AFG2A: variants seen among roughly 807,000 people sequenced by gnomAD.
AFG2A encodes ATPase family gene 2 protein homolog A.
At chr4:123,065,517 A>G in the AFG2A span, among the ~76,000 whole-genome samples, 4 of 152,308 alleles carry the variant, frequency 2.6e-5, no homozygotes, top group South Asian at 8.3e-4. Context: ...TTTTTGCAAG[A>G]TATTCTTAAA....
At chr4:123,171,233 G>A in the AFG2A span, among the ~76,000 whole-genome samples, 329 of 152,210 alleles carry the variant, frequency 2.2e-3, 6 homozygotes, top group Middle Eastern at 0.027. Context: ...AAAGTTCTCA[G>A]AACACCCTGG....
chr4:123,005,157 C>CT, the AFG2A span, among the ~76,000 whole-genome samples: 3 of 150,960 alleles, frequency 2.0e-5, no homozygotes, highest in Non-Finnish European at 3.0e-5. Context: ...TTTCTTTCTT[C>CT]TTTTTTTTTC....
At chr4:123,244,608 G>T in the AFG2A span, among the ~76,000 whole-genome samples, 1 of 152,240 alleles carries the variant, frequency 6.6e-6, no homozygotes, top group East Asian at 1.9e-4. Context: ...AGAGGGAAAA[G>T]AAGACTTTGA....
chr4:122,952,676 C>T, the AFG2A span, among the ~76,000 whole-genome samples: 2 of 152,156 alleles, frequency 1.3e-5, no homozygotes, highest in Admixed American at 6.5e-5. Context: ...GAAGTTAGCA[C>T]GATATCATCA....
chr4:123,004,278 C>A, the AFG2A span, among the ~76,000 whole-genome samples: 10 of 152,226 alleles, frequency 6.6e-5, no homozygotes, highest in African/African-American at 1.4e-4. Context: ...GGAAATGCCT[C>A]GGCCTGCTTC....
the AFG2A span, among the ~76,000 whole-genome samples, chr4:123,242,648 A>G: frequency 6.6e-6 from 1 of 152,368 alleles, no homozygotes; most frequent in African/African-American, 2.4e-5. Flanking sequence ...TAAAAACCCT[A>G]GAAGAAAACG....
At chr4:123,096,246 A>G in the AFG2A span, among the ~76,000 whole-genome samples, 1 of 152,002 alleles carries the variant, frequency 6.6e-6, no homozygotes. Flanking sequence ...TTTGCGTAAG[A>G]GTGATAGGAT....
chr4:123,205,811 A>G, the AFG2A span, among the ~76,000 whole-genome samples: 1 of 152,194 alleles, frequency 6.6e-6, no homozygotes, highest in Non-Finnish European at 1.5e-5. Context: ...TAATTGTTAT[A>G]TCATTACAAC....
At chr4:123,076,261 G>A in the AFG2A span, among the ~76,000 whole-genome samples, 1 of 152,222 alleles carries the variant, frequency 6.6e-6, no homozygotes, top group Non-Finnish European at 1.5e-5. Context: ...GTGAGACCCT[G>A]TCTCAGATTA....
At chr4:123,209,015 A>T in the AFG2A span, among the ~76,000 whole-genome samples, 1 of 152,216 alleles carries the variant, frequency 6.6e-6, no homozygotes, top group Non-Finnish European at 1.5e-5. Flanking sequence ...GAGAGGGGCT[A>T]AAGATTGAGT....
the AFG2A span, among the ~76,000 whole-genome samples, chr4:122,943,545 G>T: frequency 3.1e-4 from 47 of 152,128 alleles, no homozygotes; most frequent in Middle Eastern, 0.01. Context: ...ACGTGAGATG[G>T]GTTTCCTGAA....
At chr4:123,032,891 C>G in the AFG2A span, among the ~76,000 whole-genome samples, 2 of 152,196 alleles carry the variant, frequency 1.3e-5, no homozygotes, top group African/African-American at 4.8e-5. Context: ...CCAGTGTAAG[C>G]ATTCTGAGCA....
the AFG2A span, among the ~76,000 whole-genome samples, chr4:123,022,814 A>G: frequency 2.6e-5 from 4 of 152,200 alleles, no homozygotes; most frequent in Non-Finnish European, 5.9e-5. Flanking sequence ...GACAGGATTA[A>G]GAAAATGTGG....
the AFG2A span, among the ~76,000 whole-genome samples, chr4:123,049,395 A>ATT: frequency 6.6e-6 from 1 of 151,704 alleles, no homozygotes; most frequent in Admixed American, 6.6e-5. Context: ...TTCTCCCTTC[A>ATT]TTTTTTTTGA....
At chr4:123,258,510 A>G in the AFG2A span, among the ~76,000 whole-genome samples, 1 of 152,188 alleles carries the variant, frequency 6.6e-6, no homozygotes, top group Non-Finnish European at 1.5e-5. Context: ...AATAGACTTC[A>G]GTTCTCATTT....
the AFG2A span, chr4:122,934,472 A>G: frequency 6.2e-7 from 1 of 1,614,228 alleles, no homozygotes; most frequent in Non-Finnish European, 8.5e-7. Context: ...TGTAATTTTG[A>G]ATCTGCCAGA....
the AFG2A span, among the ~76,000 whole-genome samples, chr4:122,950,784 G>T: frequency 6.6e-6 from 1 of 152,318 alleles, no homozygotes; most frequent in South Asian, 2.1e-4. Context: ...TCCAATAGGG[G>T]CAAAGATCCT....
chr4:122,947,540 T>C, the AFG2A span: 1 of 1,375,738 alleles, frequency 7.3e-7, no homozygotes, highest in Non-Finnish European at 9.5e-7. Context: ...ATCTCCAGTT[T>C]ACTTACATAC....
chr4:123,092,960 G>C, the AFG2A span, among the ~76,000 whole-genome samples: 1 of 152,164 alleles, frequency 6.6e-6, no homozygotes, highest in South Asian at 2.1e-4. Flanking sequence ...CATCTAATGA[G>C]GTTAGCCTTA....
Sources: gnomAD v4.1 joint callset for allele counts (sites outside exome capture counted in the v4.1 genomes callset) on GRCh38, gnomAD v4.1.1 for gene constraint, MANE v1.5 for transcripts, NCBI Gene and HGNC (gene_info 2026-07-23, HGNC 2026-07-21) for gene names.